Variants in FMNL2 observed in about 807,000 individuals in gnomAD.
The protein encoded by FMNL2 is formin-like protein 2.
In FMNL2, 51 loss-of-function variants were observed where a neutral mutation model predicts 130.2. That is an observed-to-expected ratio of 0.39 (90% CI 0.31 to 0.49). The LOEUF is 0.49. Among genes scored for constraint, FMNL2 ranks in the 20% least tolerant of loss-of-function variants. The pLI, the probability that FMNL2 is intolerant of heterozygous loss-of-function variation, is 0.85. For missense variants in FMNL2, 977 were observed against 1,316.2 expected (o/e 0.74, Z 3.99); for synonymous variants, 465 against 467.1 (o/e 1.00, Z 0.06).
At chr2:152,348,394 C>T (rs1208297374) in intron 1 of FMNL2, among the ~76,000 whole-genome samples, 1 of 152,148 alleles carries the variant, frequency 6.6e-6, no homozygotes, top group East Asian at 1.9e-4. Context: ...CTTGGCTTAG[C>T]CTTGGGAAGG....
At chr2:152,538,960 T>C (rs1208287738) in intron 2 of FMNL2, among the ~76,000 whole-genome samples, 1 of 152,318 alleles carries the variant, frequency 6.6e-6, no homozygotes, top group Non-Finnish European at 1.5e-5. Context: ...TGAATTAATA[T>C]ATTTTTCCCT....
chr2:152,525,636 A>G (rs1693348785), intron 2 of FMNL2, among the ~76,000 whole-genome samples: 1 of 152,240 alleles, frequency 6.6e-6, no homozygotes, highest in Non-Finnish European at 1.5e-5. Flanking sequence ...AGAGAAGCAG[A>G]TTAAAAAACA....
chr2:152,577,091 T>G (rs1696519312), intron 7 of FMNL2, among the ~76,000 whole-genome samples: 1 of 152,054 alleles, frequency 6.6e-6, no homozygotes, highest in African/African-American at 2.4e-5. Context: ...GGTAGACCAT[T>G]TAGGAGGCTT....
intron 1 of FMNL2, among the ~76,000 whole-genome samples, chr2:152,366,310 G>T (rs575033535): frequency 3.1e-4 from 33 of 107,192 alleles, no homozygotes; most frequent in Admixed American, 1.5e-3. Flanking sequence ...AGGGGGGAGG[G>T]ATAGCATCAG....
At chr2:152,365,601 A>C (rs1354398434) in intron 1 of FMNL2, among the ~76,000 whole-genome samples, 1 of 152,020 alleles carries the variant, frequency 6.6e-6, no homozygotes, top group East Asian at 1.9e-4. Flanking sequence ...GTGAAACCCC[A>C]TCTCTACAAC....
chr2:152,479,952 G>A (rs932339615), intron 1 of FMNL2, among the ~76,000 whole-genome samples: 3 of 152,104 alleles, frequency 2.0e-5, no homozygotes, highest in African/African-American at 7.2e-5. Context: ...TGTATGTCCT[G>A]CTTTACAGGT....
chr2:152,444,593 T>C (rs1378352237), intron 1 of FMNL2, among the ~76,000 whole-genome samples: 1 of 152,140 alleles, frequency 6.6e-6, no homozygotes. Context: ...TTTATCCTAA[T>C]GGGAGGTAGT....
chr2:152,476,915 T>C (rs1579759035), intron 1 of FMNL2, among the ~76,000 whole-genome samples: 1 of 152,276 alleles, frequency 6.6e-6, no homozygotes, highest in African/African-American at 2.4e-5. Context: ...AGCTGTGAGG[T>C]TGAGTCCATT....
At chr2:152,486,122 G>A (rs2105259451) in intron 1 of FMNL2, among the ~76,000 whole-genome samples, 1 of 152,262 alleles carries the variant, frequency 6.6e-6, no homozygotes, top group African/African-American at 2.4e-5. Flanking sequence ...GAGCTCAAGT[G>A]GATTGTTATC....
rs1065266 is a variant in FMNL2, at chr2:152,648,489, C to T, written c.*584C>T. 129,271 of 153,332 alleles carry T rather than the reference C, an allele frequency of 0.84. 54,683 individuals carry two copies. The highest frequency in any genetic ancestry group is 0.89 in the African/African-American group (36,928 of 41,538). 9.5% of individuals were successfully genotyped at this position (153,332 alleles called of 1,614,324 possible). A position where few individuals can be genotyped will look rare whatever the true frequency, so the allele number is the denominator to read the frequency against. ...CCAGTTTCACATTCTACTACTTCTG[C>T]GCTAGAGAACGATGCTCTGTGAGAG... On this transcript the variant is annotated 3_prime_UTR_variant, in exon 26 of 26. Transcript: ENST00000288670.
chr2:152,353,754 T>A lies in FMNL2; in HGVS notation c.117+18034T>A, dbSNP rs1277889931. ...AGCACCTCACAAGAAGTGGTTGTTC[T>A]GATTATTTTGTACTCTTTTAAAATT... On this transcript the variant is annotated intron_variant, in intron 1 of 25. Coordinates refer to ENST00000288670, the MANE Select transcript of FMNL2 (RefSeq NM_052905.4). 3.3e-5 allele frequency among the ~76,000 whole-genome samples: 5 copies of A among 152,250 alleles called. No individual in the cohort carries two copies. The East Asian group carries it at 9.6e-4, about 29-fold the overall frequency.
intron 1 of FMNL2, among the ~76,000 whole-genome samples, chr2:152,488,206 C>T (rs1690946743): frequency 6.6e-6 from 1 of 152,182 alleles, no homozygotes; most frequent in South Asian, 2.1e-4. Flanking sequence ...TGGTAAAATA[C>T]ATTTCACACT....
intron 1 of FMNL2, among the ~76,000 whole-genome samples, chr2:152,512,978 C>T (rs1692569179): frequency 1.3e-5 from 2 of 152,200 alleles, no homozygotes; most frequent in South Asian, 4.1e-4. Flanking sequence ...CACAAACACC[C>T]TCCAACATAT....
intron 1 of FMNL2, among the ~76,000 whole-genome samples, chr2:152,376,471 C>G (rs943683260): frequency 2.0e-5 from 3 of 152,158 alleles, no homozygotes; most frequent in African/African-American, 7.2e-5. Context: ...CAGAAATATC[C>G]TCCCTGGAGA....
At chr2:152,527,656 A>G (rs1019924211) in intron 2 of FMNL2, among the ~76,000 whole-genome samples, 6 of 152,042 alleles carry the variant, frequency 3.9e-5, no homozygotes, top group African/African-American at 1.2e-4. Flanking sequence ...TTTTTTGAAT[A>G]TCACTACGAA....
intron 1 of FMNL2, among the ~76,000 whole-genome samples, chr2:152,464,890 C>G (rs1689442018): frequency 6.6e-6 from 1 of 152,200 alleles, no homozygotes; most frequent in Admixed American, 6.5e-5. Flanking sequence ...GCCCTAATCT[C>G]TGTCCTCAGG....
chr2:152,395,777 G>A lies in FMNL2; in HGVS notation c.117+60057G>A, dbSNP rs189805159. ...ATAAGCCTTTAACGGAAGACAGTTT[G>A]TTCTTTGGATAATTGGCCCAGGCTT... On this transcript the variant is annotated intron_variant, in intron 1 of 25. Coordinates refer to ENST00000288670, the MANE Select transcript of FMNL2 (RefSeq NM_052905.4). Among the ~76,000 whole-genome samples the A allele has an allele frequency of 1.8e-4, 28 of 152,034 alleles. No homozygotes were observed. In the East Asian group the frequency reaches 5.0e-3, roughly 27 times the overall value.
intron 1 of FMNL2, among the ~76,000 whole-genome samples, chr2:152,446,927 C>T (rs1455022610): frequency 6.6e-6 from 1 of 151,838 alleles, no homozygotes; most frequent in Non-Finnish European, 1.5e-5. Context: ...AATAAAGAGG[C>T]AGGAAGGAGG....
At chr2:152,495,740 C>A (rs893728536) in intron 1 of FMNL2, among the ~76,000 whole-genome samples, 3 of 150,648 alleles carry the variant, frequency 2.0e-5, no homozygotes, top group African/African-American at 7.3e-5. Flanking sequence ...CACACACTTC[C>A]CTACCTGCCT....
Sources: gnomAD v4.1 joint callset for allele counts (sites outside exome capture counted in the v4.1 genomes callset) on GRCh38, gnomAD v4.1.1 for gene constraint, MANE v1.5 for transcripts, NCBI Gene and HGNC (gene_info 2026-07-23, HGNC 2026-07-21) for gene names.